IL16: variants seen among roughly 807,000 people sequenced by gnomAD.
IL16 encodes the protein pro-interleukin-16.
In IL16, 67 loss-of-function variants were observed where a neutral mutation model predicts 110.1. The observed-to-expected ratio is 0.61, with a 90% confidence interval of 0.50 to 0.75. IL16 has a LOEUF of 0.75. IL16 is among the 30% of genes least tolerant of loss of function. The pLI is 0.00. For synonymous variants in IL16, 689 were observed against 662.9 expected (o/e 1.04, Z -0.61); for missense variants, 1,545 against 1,655.0 (o/e 0.93, Z 1.15).
chr15:81,285,237 TA>T (rs1349252490), intron 9 of IL16, among the ~76,000 whole-genome samples: 1 of 152,226 alleles, frequency 6.6e-6, no homozygotes, highest in Non-Finnish European at 1.5e-5. Flanking sequence ...TGTAGGATGT[TA>T]GGTCCGATAT....
At chr15:81,289,190 A>G (rs1323307235) in intron 10 of IL16, among the ~76,000 whole-genome samples, 1 of 152,132 alleles carries the variant, frequency 6.6e-6, no homozygotes, top group Non-Finnish European at 1.5e-5. Context: ...TCTGTCACCC[A>G]GGCTCGAGCG....
Position 81,279,715 on chromosome 15 carries a change from C to A in IL16, c.1022C>A (p.Ala341Asp). Residue 341 changes from alanine to aspartate, a missense_variant, in exon 8 of 19, where the codon GCT becomes GAT. Physicochemically the swap from Ala to Asp is moderately radical, Grantham distance 126 (BLOSUM62 -2). This residue lies in a region of IL16 where 1,185 missense variants were observed against 1,238.8 expected (regional missense o/e 0.96). Transcript: ENST00000683961. ...TCCTTCGCCTTGGAAAGCCCCTCGG[C>A]TCCCATCAGCACCGCCAAGCCCAAT... ...SSSFALESPS[A>D]PISTAKPNYR... The A allele has an allele frequency of 6.2e-7, 1 of 1,614,278 alleles. No homozygotes were observed. Among genetic ancestry groups the A allele is most frequent in the Non-Finnish European group, 8.5e-7 (1 of 1,180,050 alleles).
intron 2 of IL16, among the ~76,000 whole-genome samples, chr15:81,226,886 A>G (rs1008644670): frequency 1.3e-5 from 2 of 152,220 alleles, no homozygotes; most frequent in Non-Finnish European, 2.9e-5. Flanking sequence ...TTATGAATGT[A>G]TCTAGATTAG....
intron 4 of IL16, among the ~76,000 whole-genome samples, chr15:81,267,555 T>C (rs1400597768): frequency 6.6e-6 from 1 of 151,728 alleles, no homozygotes. Flanking sequence ...TATGGGATTA[T>C]GAAGGTAGGC....
intron 2 of IL16, among the ~76,000 whole-genome samples, chr15:81,253,750 T>G (rs1003558045): frequency 6.6e-6 from 1 of 152,216 alleles, no homozygotes. Flanking sequence ...CCTAGGGCAT[T>G]GTATTAATAA....
At chr15:81,219,669 C>T (rs4451910) in intron 1 of IL16, among the ~76,000 whole-genome samples, 12,870 of 152,172 alleles carry the variant, frequency 0.085, 882 homozygotes, top group South Asian at 0.3. Context: ...GAGAATCTTC[C>T]CTGATGGCTC....
intron 2 of IL16, among the ~76,000 whole-genome samples, chr15:81,230,022 T>C (rs1005042749): frequency 6.6e-6 from 1 of 152,006 alleles, no homozygotes; most frequent in Admixed American, 6.6e-5. Context: ...AAAGACTGGG[T>C]AAATTAATGC....
chr15:81,308,521 TG>T, intron 18 of IL16, 83 bp from the exon 19 acceptor site: 1 of 1,021,838 alleles, frequency 9.8e-7, no homozygotes, highest in Non-Finnish European at 1.5e-6. Context: ...CAAGCTATCC[TG>T]GCTCTTTGGA....
Position 81,311,421 on chromosome 15 carries a change from C to T in IL16, c.*2623C>T. ...TATATTAAGTGACTGTTCAAGAGCACACTTGGCCCAAGTGGCAGAGCTTGG... is the reference window on the plus strand; with the variant it reads ...TATATTAAGTGACTGTTCAAGAGCATACTTGGCCCAAGTGGCAGAGCTTGG... On this transcript the variant is annotated 3_prime_UTR_variant, in exon 19 of 19. Transcript: ENST00000683961. 6.6e-6 allele frequency: 1 copy of T among 152,234 alleles called. No individual in the cohort carries two copies. Among genetic ancestry groups the T allele is most frequent in the East Asian group, 1.9e-4 (1 of 5,204 alleles). 9.4% of individuals were successfully genotyped at this position (152,234 alleles called of 1,614,324 possible). A position where few individuals can be genotyped will look rare whatever the true frequency, so the allele number is the denominator to read the frequency against.
chr15:81,294,604 C>G lies in IL16; in HGVS notation c.1902+1567C>G, dbSNP rs892118111. On this transcript the variant is annotated intron_variant, in intron 12 of 18. Transcript: ENST00000683961. ...CCTCAGCAGAATACAGGGCTCCCTC[C>G]TGTACCTGCCCCCAACAGCACCGTC... Among the ~76,000 whole-genome samples the G allele has an allele frequency of 1.1e-4, 16 of 152,276 alleles. No homozygotes were observed. In the East Asian group the frequency reaches 2.5e-3, roughly 24 times the overall value.
chr15:81,248,681 G>A (rs1050002930), intron 2 of IL16, among the ~76,000 whole-genome samples: 3 of 121,706 alleles, frequency 2.5e-5, no homozygotes, highest in African/African-American at 6.1e-5. Flanking sequence ...TATTGATTCT[G>A]TTTCTAATTC....
At chr15:81,207,367 G>C (rs2141978015) in intron 1 of IL16, among the ~76,000 whole-genome samples, 1 of 152,010 alleles carries the variant, frequency 6.6e-6, no homozygotes, top group Middle Eastern at 3.4e-3. Flanking sequence ...TTTTTAAAAA[G>C]TGATTCACAA....
chr15:81,308,768 CAAGGAA>C lies in IL16; in HGVS notation c.3971_3976del (p.Lys1324_Glu1325del), dbSNP rs1291180347. On this transcript the variant is annotated inframe_deletion, in exon 19 of 19. Transcript: ENST00000683961. ...TCATCAGGAGAAAAAGCCTCCAGTC[CAAGGAA>C]ACCACAGCTGCTGGAGACTCCTAGG... The C allele has an allele frequency of 3.7e-6, 6 of 1,613,704 alleles. No homozygotes were observed. Among genetic ancestry groups the C allele is most frequent in the Non-Finnish European group, 5.1e-6 (6 of 1,179,880 alleles).
At chr15:81,224,569 G>T (rs1896725093) in intron 1 of IL16, among the ~76,000 whole-genome samples, 1 of 152,206 alleles carries the variant, frequency 6.6e-6, no homozygotes. Context: ...TTGACTTTAG[G>T]CCTGGAGAAA....
chr15:81,301,045 CCTT>C (rs1400437391), intron 14 of IL16, among the ~76,000 whole-genome samples: 1 of 152,174 alleles, frequency 6.6e-6, no homozygotes, highest in African/African-American at 2.4e-5. Context: ...ATGGATGAGA[CCTT>C]CTATGCAGAA....
In IL16 at chr15:81,297,077, A is replaced by C. The variant is rs2141596723; in HGVS notation, c.2052A>C (p.Pro684=). Residue 684 remains proline, a splice_region_variant and synonymous_variant, in exon 13 of 19, where the codon CCA becomes CCC. Transcript: ENST00000683961. ...EGEPGWRRAS[P]VTQTSPIKHP... ...AGCCAGGGTGGAGAAGAGCCAGCCC[A>C]GGTAAGCTTTCATTGAGATCTTCCA... 1 of 1,606,558 alleles carries C rather than the reference A, an allele frequency of 6.2e-7. No homozygotes were observed. The highest frequency in any genetic ancestry group is 2.2e-5 in the East Asian group (1 of 44,802).
At chr15:81,199,507 C>T (rs1251474522) in intron 1 of IL16, among the ~76,000 whole-genome samples, 1 of 152,220 alleles carries the variant, frequency 6.6e-6, no homozygotes, top group African/African-American at 2.4e-5. Flanking sequence ...TAATGCTGGA[C>T]AGTGACCCGA....
chr15:81,279,426 CAT>C (rs1262944652), intron 7 of IL16, 130 bp from the exon 8 acceptor site: 6 of 625,418 alleles, frequency 9.6e-6, no homozygotes, highest in Non-Finnish European at 2.8e-6. Context: ...TAATTTGTAA[CAT>C]GTATGAATAT....
chr15:81,229,651 C>T (rs1420341288), intron 2 of IL16, among the ~76,000 whole-genome samples: 1 of 152,102 alleles, frequency 6.6e-6, no homozygotes, highest in Non-Finnish European at 1.5e-5. Context: ...TCAGCAAGGC[C>T]AAAGGCAACA....
Sources: allele counts gnomAD v4.1 joint callset (sites outside exome capture counted in the v4.1 genomes callset), GRCh38; gene constraint gnomAD v4.1.1; regional missense constraint gnomAD v4.1.1; transcripts MANE v1.5; gene names NCBI Gene and HGNC (gene_info 2026-07-23, HGNC 2026-07-21).